Variants in PPM1H observed in about 807,000 individuals in gnomAD.
The protein encoded by PPM1H is protein phosphatase, Mg2+/Mn2+ dependent 1H, also known as protein phosphatase 1H.
Under a neutral mutation model 54.9 loss-of-function variants are expected in PPM1H, and 27 were observed. The ratio of observed to expected loss-of-function variants is 0.49; its 90% confidence interval spans 0.36 to 0.68. The LOEUF is 0.68. Among genes scored for constraint, PPM1H ranks in the 30% least tolerant of loss-of-function variants. The pLI is 0.00. For synonymous variants in PPM1H, 305 were observed against 270.8 expected, an observed-to-expected ratio of 1.13 and a Z score of -1.24; for missense variants, 596 against 667.8, an observed-to-expected ratio of 0.89 and a Z score of 1.19.
At chr12:62,712,430 A>G (rs375016262) in intron 6 of PPM1H, among the ~76,000 whole-genome samples, 1 of 152,148 alleles carries the variant, frequency 6.6e-6, no homozygotes, top group East Asian at 1.9e-4. Flanking sequence ...AGTAATTATA[A>G]AATTAAAATG....
Position 62,843,437 on chromosome 12 carries a change from A to T in PPM1H, c.246-11158T>A, listed in dbSNP as rs150816074. ...TATCCTCATTTTATTGGCCAAATCAATGTCATATGCATGATGACTTATTTA... is the reference window on the plus strand; with the variant it reads ...TATCCTCATTTTATTGGCCAAATCATTGTCATATGCATGATGACTTATTTA... On this transcript the variant is annotated intron_variant, in intron 1 of 9. Coordinates refer to ENST00000228705, the MANE Select transcript of PPM1H (RefSeq NM_020700.2). 7.9e-3 allele frequency among the ~76,000 whole-genome samples: 1,205 copies of T among 152,350 alleles called. 6 individuals are homozygous for T. Among genetic ancestry groups the T allele is most frequent in the Non-Finnish European group, 0.012 (791 of 68,018 alleles).
intron 1 of PPM1H, among the ~76,000 whole-genome samples, chr12:62,853,783 A>G (rs758397313): frequency 6.6e-6 from 1 of 151,850 alleles, no homozygotes; most frequent in Non-Finnish European, 1.5e-5. Flanking sequence ...AAGGGAGCCT[A>G]CTCCTTTCTA....
chr12:62,920,647 A>C (rs979380929), intron 1 of PPM1H, among the ~76,000 whole-genome samples: 5 of 151,568 alleles, frequency 3.3e-5, no homozygotes, highest in African/African-American at 4.8e-5. Context: ...AGAAAGAAAA[A>C]ATTCTTAATA....
At chr12:62,871,159 G>A (rs972969635) in intron 1 of PPM1H, among the ~76,000 whole-genome samples, 8 of 152,072 alleles carry the variant, frequency 5.3e-5, no homozygotes, top group African/African-American at 1.7e-4. Flanking sequence ...ATCAACTGGT[G>A]AATGGATAAA....
In PPM1H at chr12:62,705,727, C is replaced by G. The variant is rs1221988269; in HGVS notation, c.1074-11728G>C. 3.9e-5 allele frequency among the ~76,000 whole-genome samples: 6 copies of G among 152,084 alleles called. No homozygotes were observed. In the South Asian group the frequency reaches 1.2e-3, roughly 32 times the overall value. On this transcript the variant is annotated intron_variant, in intron 6 of 9. Coordinates refer to ENST00000228705, the MANE Select transcript of PPM1H (RefSeq NM_020700.2). Reference sequence around the variant, plus strand: ...CTCTCCACCGATATGAATCAGAGACCCTTACTTCATGAGCACACAAATGTG... The same window carrying G: ...CTCTCCACCGATATGAATCAGAGACGCTTACTTCATGAGCACACAAATGTG...
At chr12:62,716,640 C>T (rs977267550) in intron 6 of PPM1H, among the ~76,000 whole-genome samples, 2 of 152,198 alleles carry the variant, frequency 1.3e-5, no homozygotes, top group Non-Finnish European at 2.9e-5. Flanking sequence ...AATCCTTCCA[C>T]CTCAGCCTCC....
At chr12:62,744,092 A>G (rs1307269075) in intron 4 of PPM1H, among the ~76,000 whole-genome samples, 1 of 151,876 alleles carries the variant, frequency 6.6e-6, no homozygotes, top group Non-Finnish European at 1.5e-5. Context: ...AAAGACTGGA[A>G]ACAGCCTGAA....
intron 4 of PPM1H, chr12:62,756,261 A>G: frequency 1.4e-6 from 1 of 697,916 alleles, no homozygotes. Flanking sequence ...CCCCAGCGAG[A>G]GCGAGAGAGG....
At position 62,861,678 on chromosome 12, in the gene PPM1H, C is replaced by T. The variant is rs953456710; in HGVS notation, c.246-29399G>A. 9.9e-5 allele frequency among the ~76,000 whole-genome samples: 15 copies of T among 152,224 alleles called. No homozygotes were observed. In the East Asian group the frequency reaches 2.3e-3, roughly 23 times the overall value. ...GGCAGGTGAGGAAACGAACCCTCACCGCTAAGACTTCCTGGAAGGAATCAG... is the reference window on the plus strand; with the variant it reads ...GGCAGGTGAGGAAACGAACCCTCACTGCTAAGACTTCCTGGAAGGAATCAG... On this transcript the variant is annotated intron_variant, in intron 1 of 9. Transcript: ENST00000228705.
chr12:62,910,512 T>G (rs934511600), intron 1 of PPM1H, among the ~76,000 whole-genome samples: 3 of 152,186 alleles, frequency 2.0e-5, no homozygotes, highest in African/African-American at 7.2e-5. Context: ...AGCAATATAT[T>G]TAAGTCAATT....
In PPM1H at chr12:62,684,488, C is replaced by G. The variant is rs80340799; in HGVS notation, c.1245+5211G>C. The stretch of plus-strand genomic sequence containing the variant: ...TCTTTTTTTTTAACATAAATTTGAT[C>G]CACATGTTTTTGATTTATTTCTATT... On this transcript the variant is annotated intron_variant, in intron 8 of 9. Transcript: ENST00000228705. Among the ~76,000 whole-genome samples the G allele has an allele frequency of 6.0e-3, 914 of 152,156 alleles. 5 individuals are homozygous for G. Among genetic ancestry groups the G allele is most frequent in the Non-Finnish European group, 8.2e-3 (560 of 68,010 alleles).
chr12:62,684,464 CTT>C (rs61615190), intron 8 of PPM1H, among the ~76,000 whole-genome samples: 1 of 151,438 alleles, frequency 6.6e-6, no homozygotes, highest in African/African-American at 2.4e-5. Context: ...CTGTGAGTTT[CTT>C]TTTTTTTAAC....
At chr12:62,891,104 C>CAAA (rs71450596) in intron 1 of PPM1H, among the ~76,000 whole-genome samples, 762 of 75,738 alleles carry the variant, frequency 0.01, 27 homozygotes, top group African/African-American at 0.034. Context: ...GCAAGACTCT[C>CAAA]AAAAAAAAAA....
chr12:62,747,807 A>G (rs2076421312), intron 4 of PPM1H, among the ~76,000 whole-genome samples: 1 of 152,250 alleles, frequency 6.6e-6, no homozygotes. Flanking sequence ...AGAGCTTTTC[A>G]GCCTCAGTAG....
At chr12:62,881,286 A>G (rs928705994) in intron 1 of PPM1H, among the ~76,000 whole-genome samples, 4 of 152,180 alleles carry the variant, frequency 2.6e-5, no homozygotes, top group Non-Finnish European at 4.4e-5. Context: ...GCAATCCAAC[A>G]TGAATCTAGG....
At chr12:62,659,269 C>CAAACAAAAAAAAAAAAAAAAAAAAAA (rs2075867069) in intron 9 of PPM1H, 1 of 90,798 alleles carries the variant, frequency 1.1e-5, no homozygotes, top group Non-Finnish European at 2.1e-5. Flanking sequence ...GTAAAAACTG[C>CAAACAAAAAAAAAAAAAAAAAAAAAA]AAAAAAAAAA....
intron 5 of PPM1H, among the ~76,000 whole-genome samples, chr12:62,723,485 T>C (rs899761030): frequency 2.6e-5 from 4 of 152,160 alleles, no homozygotes; most frequent in African/African-American, 9.7e-5. Flanking sequence ...AGGCAGACTT[T>C]TTGGGAGGTG....
At chr12:62,671,775 G>A (rs927207570) in intron 8 of PPM1H, among the ~76,000 whole-genome samples, 7 of 152,158 alleles carry the variant, frequency 4.6e-5, no homozygotes, top group African/African-American at 1.7e-4. Context: ...GTGTTAGACT[G>A]GTGGTGAAGA....
At position 62,710,367 on chromosome 12, in the gene PPM1H, A is replaced by C. The variant is rs1288805879; in HGVS notation, c.1073+9804T>G. ...GCCAACATGGTGAAACCTTGTCTCT[A>C]CTAAAAATACAAAAATTAGCCCAGC... On this transcript the variant is annotated intron_variant, in intron 6 of 9. Coordinates refer to ENST00000228705, the MANE Select transcript of PPM1H (RefSeq NM_020700.2). 2.0e-5 allele frequency among the ~76,000 whole-genome samples: 3 copies of C among 151,788 alleles called. 1 individual carries two copies. Among genetic ancestry groups the C allele is most frequent in the Non-Finnish European group, 4.4e-5 (3 of 67,956 alleles).
Sources: allele counts gnomAD v4.1 joint callset (sites outside exome capture counted in the v4.1 genomes callset), GRCh38; gene constraint gnomAD v4.1.1; transcripts MANE v1.5; gene names NCBI Gene and HGNC (gene_info 2026-07-23, HGNC 2026-07-21).